Variants in GRIN2A observed in about 807,000 individuals in gnomAD.
GRIN2A encodes the protein glutamate receptor ionotropic, NMDA 2A.
GRIN2A carries 22 observed loss-of-function variants against 113.4 expected under a neutral mutation model. That is an observed-to-expected ratio of 0.19 (90% CI 0.14 to 0.28). The LOEUF is 0.28. Ranked by LOEUF, GRIN2A falls within the 10% of genes least tolerant of loss-of-function variation. GRIN2A has a pLI of 1.00. For missense variants in GRIN2A, 1,502 were observed against 1,887.0 expected (o/e 0.80, Z 3.78); for synonymous variants, 827 against 738.4 (o/e 1.12, Z -1.94).
At chr16:9,935,512 TCACACACACACACACACACA>T (rs71157793) in intron 3 of GRIN2A, among the ~76,000 whole-genome samples, 10 of 132,902 alleles carry the variant, frequency 7.5e-5, no homozygotes, top group East Asian at 4.5e-4. Context: ...GTCTACTTCA[TCACACACACACACACACACA>T]CACACACACA....
intron 2 of GRIN2A, among the ~76,000 whole-genome samples, chr16:10,090,075 C>T (rs775809948): frequency 2.1e-4 from 32 of 151,990 alleles, no homozygotes; most frequent in Non-Finnish European, 3.7e-4. Flanking sequence ...GTATTTAGGA[C>T]CTACCAGGCA....
intron 2 of GRIN2A, among the ~76,000 whole-genome samples, chr16:10,078,308 T>C (rs892000865): frequency 6.6e-6 from 1 of 151,934 alleles, no homozygotes; most frequent in Admixed American, 6.6e-5. Flanking sequence ...GCTGGGGAAA[T>C]GACAGCCTCG....
At chr16:10,059,280 A>G (rs181082108) in intron 2 of GRIN2A, among the ~76,000 whole-genome samples, 122 of 151,996 alleles carry the variant, frequency 8.0e-4, no homozygotes, top group African/African-American at 2.6e-3. Flanking sequence ...TCTACATTAT[A>G]TTGTTTTAAA....
chr16:9,842,741 A>C lies in GRIN2A; in HGVS notation c.1329-1637T>G, dbSNP rs568120402. Among the ~76,000 whole-genome samples, 83 of 152,302 alleles carry C rather than the reference A, an allele frequency of 5.4e-4. 1 individual carries two copies. The highest frequency in any genetic ancestry group is 5.3e-4 in the Non-Finnish European group (36 of 68,040). ...CCCCTGAGGTTGGGAGTTTGAGACC[A>C]GCCTGGCCAACATGGAGAAACCCCA... is the stretch of plus-strand genomic sequence containing the variant. On this transcript the variant is annotated intron_variant, in intron 5 of 12. Coordinates refer to ENST00000330684, the MANE Select transcript of GRIN2A (RefSeq NM_001134407.3).
intron 2 of GRIN2A, among the ~76,000 whole-genome samples, chr16:10,012,701 G>C (rs961410628): frequency 1.3e-5 from 2 of 152,184 alleles, no homozygotes; most frequent in African/African-American, 4.8e-5. Flanking sequence ...AAAGATATTT[G>C]AAGATGCCCT....
At chr16:10,107,207 C>T (rs910323602) in intron 2 of GRIN2A, among the ~76,000 whole-genome samples, 1 of 152,110 alleles carries the variant, frequency 6.6e-6, no homozygotes, top group Non-Finnish European at 1.5e-5. Flanking sequence ...AAGAGCTAAG[C>T]GGAAGATCTC....
chr16:9,939,399 C>A (rs1293823892), intron 2 of GRIN2A, among the ~76,000 whole-genome samples: 1 of 152,126 alleles, frequency 6.6e-6, no homozygotes. Flanking sequence ...AATCCAAGCA[C>A]ATAGGGCCTA....
At chr16:9,928,317 C>G (rs1476665866) in intron 3 of GRIN2A, among the ~76,000 whole-genome samples, 1 of 152,068 alleles carries the variant, frequency 6.6e-6, no homozygotes, top group African/African-American at 2.4e-5. Flanking sequence ...AGCTTTTGGC[C>G]TATATATAGA....
intron 2 of GRIN2A, among the ~76,000 whole-genome samples, chr16:10,033,180 C>T (rs1167229452): frequency 6.6e-6 from 1 of 152,186 alleles, no homozygotes; most frequent in Non-Finnish European, 1.5e-5. Context: ...ATTTGCCAAG[C>T]AAGATTGTAC....
chr16:10,060,522 A>G (rs749389470), intron 2 of GRIN2A, among the ~76,000 whole-genome samples: 40 of 152,212 alleles, frequency 2.6e-4, no homozygotes, highest in Non-Finnish European at 4.8e-4. Context: ...TCTGATATCC[A>G]TTGTTCTTCA....
At chr16:9,815,844 A>T (rs1447869330) in intron 10 of GRIN2A, among the ~76,000 whole-genome samples, 1 of 152,270 alleles carries the variant, frequency 6.6e-6, no homozygotes, top group Non-Finnish European at 1.5e-5. Flanking sequence ...GATTCAAAAT[A>T]GTTAAAATGC....
chr16:9,890,697 A>G (rs1291884550), intron 4 of GRIN2A, among the ~76,000 whole-genome samples: 1 of 152,178 alleles, frequency 6.6e-6, no homozygotes, highest in Non-Finnish European at 1.5e-5. Flanking sequence ...TAATGCTGCA[A>G]CCCAGACTTC....
chr16:9,856,065 C>T (rs1193585320), intron 4 of GRIN2A, among the ~76,000 whole-genome samples: 1 of 152,090 alleles, frequency 6.6e-6, no homozygotes, highest in Non-Finnish European at 1.5e-5. Flanking sequence ...CTATGTGTTT[C>T]CAGGAGCAGT....
intron 2 of GRIN2A, among the ~76,000 whole-genome samples, chr16:10,039,749 T>A (rs1444587548): frequency 9.7e-6 from 1 of 103,296 alleles, no homozygotes; most frequent in Non-Finnish European, 1.9e-5. Flanking sequence ...ATGAGGAGCC[T>A]GAGCAAATGT....
chr16:9,818,174 C>T (rs2042219319), intron 10 of GRIN2A, among the ~76,000 whole-genome samples: 1 of 151,776 alleles, frequency 6.6e-6, no homozygotes, highest in Admixed American at 6.6e-5. Context: ...GTGACGTGGA[C>T]ACCTGAAAGA....
chr16:10,007,236 T>C (rs187429182), intron 2 of GRIN2A, among the ~76,000 whole-genome samples: 103 of 152,352 alleles, frequency 6.8e-4, no homozygotes, highest in African/African-American at 2.2e-3. Context: ...TGTATTAATT[T>C]ACATTTCTAC....
intron 2 of GRIN2A, among the ~76,000 whole-genome samples, chr16:9,958,839 T>C (rs1051919580): frequency 1.3e-5 from 2 of 152,076 alleles, no homozygotes; most frequent in Non-Finnish European, 2.9e-5. Context: ...GACTAGAAAA[T>C]CGATACAAGC....
At position 9,941,643 on chromosome 16, in the gene GRIN2A, C is replaced by A. The variant is rs28416875; in HGVS notation, c.415-3092G>T. Reference sequence around the variant, plus strand: ...ACCTCTGGGGTTGGACTACCCAGCTCCAATCCTCATTATGTGGCCTTGGAT... The same window carrying A: ...ACCTCTGGGGTTGGACTACCCAGCTACAATCCTCATTATGTGGCCTTGGAT... On this transcript the variant is annotated intron_variant, in intron 2 of 12. Coordinates refer to ENST00000330684, the MANE Select transcript of GRIN2A (RefSeq NM_001134407.3). Among the ~76,000 whole-genome samples, 1,397 of 152,276 alleles carry A rather than the reference C, an allele frequency of 9.2e-3. 17 individuals carry two copies. Among genetic ancestry groups the A allele is most frequent in the African/African-American group, 0.032 (1,332 of 41,556 alleles).
At chr16:10,109,810 A>G (rs1375826753) in intron 2 of GRIN2A, among the ~76,000 whole-genome samples, 1 of 152,128 alleles carries the variant, frequency 6.6e-6, no homozygotes, top group Non-Finnish European at 1.5e-5. Flanking sequence ...TGATGTGATT[A>G]TTTCACATTG....
Sources: gnomAD v4.1 joint callset for allele counts (sites outside exome capture counted in the v4.1 genomes callset) on GRCh38, gnomAD v4.1.1 for gene constraint, MANE v1.5 for transcripts, NCBI Gene and HGNC (gene_info 2026-07-23, HGNC 2026-07-21) for gene names.